The following A1CF variants were observed in gnomAD, a reference collection of about 807,000 sequenced individuals.
The protein encoded by A1CF is APOBEC-1 stimulating protein.
In A1CF, 48 loss-of-function variants were observed where a neutral mutation model predicts 68.9. That is an observed-to-expected ratio of 0.70 (90% CI 0.55 to 0.89). A1CF has a LOEUF of 0.89. Among genes scored for constraint, A1CF ranks in the 40% least tolerant of loss-of-function variants. The pLI is 0.00. For missense variants in A1CF, 653 were observed against 718.9 expected (o/e 0.91, Z 1.05); for synonymous variants, 272 against 260.4 (o/e 1.04, Z -0.43).
chr10:50,840,535 C>T (rs889209329), intron 5 of A1CF, among the ~76,000 whole-genome samples: 13 of 152,266 alleles, frequency 8.5e-5, no homozygotes, highest in African/African-American at 2.6e-4. Context: ...GAATTTATGA[C>T]GGTTCTCTCT....
intron 12 of A1CF, 99 bp downstream of exon 12, chr10:50,809,795 A>G (rs933617909): frequency 6.6e-7 from 1 of 1,524,454 alleles, no homozygotes; most frequent in Admixed American, 1.8e-5. Context: ...AGATTGCTGT[A>G]AGTAGGGTAC....
chr10:50,813,622 A>C (rs1048897462), intron 10 of A1CF, among the ~76,000 whole-genome samples: 1 of 152,216 alleles, frequency 6.6e-6, no homozygotes, highest in Non-Finnish European at 1.5e-5. Context: ...TCAGTGGAAT[A>C]TTGTTCAAGG....
At chr10:50,843,947 C>A in intron 4 of A1CF, 41 bp downstream of exon 4, 2 of 1,609,698 alleles carry the variant, frequency 1.2e-6, no homozygotes, top group South Asian at 1.1e-5. Context: ...GTATTTTTCC[C>A]TTGAACGATA....
chr10:50,840,536 G>A (rs904741743), intron 5 of A1CF, among the ~76,000 whole-genome samples: 1 of 152,108 alleles, frequency 6.6e-6, no homozygotes, highest in Non-Finnish European at 1.5e-5. Context: ...AATTTATGAC[G>A]GTTCTCTCTC....
intron 3 of A1CF, among the ~76,000 whole-genome samples, chr10:50,848,111 G>A (rs1388382459): frequency 6.6e-6 from 1 of 152,140 alleles, no homozygotes; most frequent in African/African-American, 2.4e-5. Context: ...CTATGAGGAT[G>A]CTACTACTAT....
chr10:50,816,641 C>T (rs1838385860), intron 8 of A1CF: 1 of 178,046 alleles, frequency 5.6e-6, no homozygotes, highest in Admixed American at 5.6e-5. Flanking sequence ...AACTACAAGA[C>T]AATTTAGGTT....
chr10:50,823,041 G>A (rs1838752967), intron 7 of A1CF: 1 of 152,070 alleles, frequency 6.6e-6, no homozygotes, highest in African/African-American at 2.4e-5. Context: ...CCCAACTTCT[G>A]TCATTTACAC....
At chr10:50,830,975 T>A (rs1358712756) in intron 6 of A1CF, among the ~76,000 whole-genome samples, 1 of 152,170 alleles carries the variant, frequency 6.6e-6, no homozygotes, top group Non-Finnish European at 1.5e-5. Flanking sequence ...GGCCAATTGA[T>A]CTTTGACAAA....
intron 3 of A1CF, among the ~76,000 whole-genome samples, chr10:50,847,632 G>C (rs965020745): frequency 4.6e-5 from 7 of 152,112 alleles, no homozygotes; most frequent in African/African-American, 1.7e-4. Flanking sequence ...TGGGGAATCT[G>C]GGCAAAAATT....
chr10:50,867,939 T>C (rs1841071316), intron 1 of A1CF, among the ~76,000 whole-genome samples: 1 of 152,188 alleles, frequency 6.6e-6, no homozygotes, highest in African/African-American at 2.4e-5. Flanking sequence ...ATAAGGAAAC[T>C]GAATGGGGAC....
chr10:50,819,158 C>G (rs61856588), intron 8 of A1CF, among the ~76,000 whole-genome samples: 10,111 of 152,254 alleles, frequency 0.066, 483 homozygotes, highest in Middle Eastern at 0.11. Context: ...TGGGGTCTCA[C>G]TCTGTTGCCC....
chr10:50,814,801 T>C (rs550219322), intron 9 of A1CF, among the ~76,000 whole-genome samples: 1 of 152,322 alleles, frequency 6.6e-6, no homozygotes, highest in African/African-American at 2.4e-5. Flanking sequence ...TTCGACATCA[T>C]AACTGGTTGA....
chr10:50,856,809 G>A (rs1840499050), intron 3 of A1CF, among the ~76,000 whole-genome samples: 1 of 151,864 alleles, frequency 6.6e-6, no homozygotes, highest in Admixed American at 6.6e-5. Flanking sequence ...TTGTGGTCTA[G>A]GTCCTTATTA....
intron 1 of A1CF, among the ~76,000 whole-genome samples, chr10:50,881,314 A>T (rs188884517): frequency 5.9e-5 from 9 of 152,110 alleles, no homozygotes; most frequent in Non-Finnish European, 1.2e-4. Context: ...ACTGATAGGT[A>T]CATTAGTTAA....
In A1CF at chr10:50,811,941, A is replaced by G. The variant is rs575799157; in HGVS notation, c.1324-765T>C. Among the ~76,000 whole-genome samples the G allele has an allele frequency of 2.5e-3, 385 of 152,360 alleles. 1 individual carries two copies. The highest frequency in any genetic ancestry group is 9.7e-3 in the South Asian group (47 of 4,830). ...GCAGATTCAGTAGACTGTGGAAAGC[A>G]GGGCATAAGCCTGAGAAAATAACTC... On this transcript the variant is annotated intron_variant, in intron 10 of 12. Coordinates refer to ENST00000373997, the MANE Select transcript of A1CF (RefSeq NM_014576.4).
rs10994563 is a variant in A1CF, at chr10:50,809,877, G to A, written c.1609+17C>T. 0.24 allele frequency: 379,497 copies of A among 1,613,164 alleles called. 47,948 individuals carry two copies. The highest frequency in any genetic ancestry group is 0.26 in the Non-Finnish European group (311,262 of 1,179,542). ...TACTCTCTGCAGGGCGCCATTTCTGGCACAATTTTCCCATACCTGGGAAAG... is the reference window on the plus strand; with the variant it reads ...TACTCTCTGCAGGGCGCCATTTCTGACACAATTTTCCCATACCTGGGAAAG... On this transcript the variant is annotated intron_variant, in intron 12 of 12. Coordinates refer to ENST00000373997, the MANE Select transcript of A1CF (RefSeq NM_014576.4).
intron 2 of A1CF, among the ~76,000 whole-genome samples, chr10:50,860,256 A>T (rs1236838989): frequency 6.6e-6 from 1 of 152,192 alleles, no homozygotes; most frequent in East Asian, 1.9e-4. Flanking sequence ...GAATCCACTT[A>T]TCTCAGGATG....
At position 50,816,035 on chromosome 10, in the gene A1CF, C is replaced by G. The variant is rs781105145; in HGVS notation, c.1112G>C (p.Arg371Thr). The G allele has an allele frequency of 2.0e-5, 32 of 1,613,550 alleles. No individual in the cohort carries two copies. Among genetic ancestry groups the G allele is most frequent in the Admixed American group, 6.7e-5 (4 of 59,940 alleles). Residue 371 changes from arginine to threonine, a missense_variant, in exon 9 of 13, where the codon AGA (arginine) becomes ACA (threonine). Transcript: ENST00000373997. The stretch of plus-strand genomic sequence containing the variant: ...AACAGAAGGGGCTCGGATAATGGCT[C>G]TGTTGCTGAGATGTCCTTTGGTGGC... Reference protein sequence around the residue: ...FPATKGHLSNRAIIRAPSVRG... With the variant: ...FPATKGHLSNTAIIRAPSVRG...
intron 8 of A1CF, among the ~76,000 whole-genome samples, chr10:50,818,425 A>G (rs1370904637): frequency 6.6e-6 from 1 of 151,834 alleles, no homozygotes; most frequent in African/African-American, 2.4e-5. Flanking sequence ...TTAAATATAT[A>G]TTTAACTAAA....
Sources: gnomAD v4.1 joint callset for allele counts (sites outside exome capture counted in the v4.1 genomes callset) on GRCh38, gnomAD v4.1.1 for gene constraint, MANE v1.5 for transcripts, NCBI Gene and HGNC (gene_info 2026-07-23, HGNC 2026-07-21) for gene names.